Variants in TPCN1 observed in about 807,000 individuals in gnomAD.
The protein encoded by TPCN1 is two pore channel protein 1.
In TPCN1, 52 loss-of-function variants were observed where a neutral mutation model predicts 108.8. The observed-to-expected ratio is 0.48, with a 90% CI of 0.38 to 0.60. The LOEUF is 0.60. Among genes scored for constraint, TPCN1 ranks in the 20% least tolerant of loss-of-function variants. The probability of loss-of-function intolerance (pLI) is 0.00; values close to 1 mark genes in which losing one functional copy is unlikely to be tolerated. For missense variants in TPCN1, 806 were observed against 1,072.8 expected, an observed-to-expected ratio of 0.75 and a Z score of 3.47; for synonymous variants, 446 against 433.7, an observed-to-expected ratio of 1.03 and a Z score of -0.35.
intron 2 of TPCN1, among the ~76,000 whole-genome samples, chr12:113,238,399 T>C (rs1953975668): frequency 6.6e-6 from 1 of 152,238 alleles, no homozygotes; most frequent in Non-Finnish European, 1.5e-5. Context: ...CTTGCAGATA[T>C]GTCCTGTGAG....
At position 113,297,692 on chromosome 12, in the gene TPCN1, C is replaced by T. The variant is rs986462584; in HGVS notation, c.*1616C>T. On this transcript the variant is annotated 3_prime_UTR_variant, in exon 28 of 28. Transcript: ENST00000335509. The surrounding 1 kb of genome is among the most constrained non-coding windows in gnomAD (Gnocchi z 4.4). ...GGGAAAGCAACACATTATTGAGACT[C>T]ACTGTGATTCCCCCGGGAGTCAGAC... 11 of 152,494 alleles carry T rather than the reference C, an allele frequency of 7.2e-5. No individual in the cohort carries two copies. The highest frequency in any genetic ancestry group is 2.7e-4 in the African/African-American group (11 of 41,458). The allele number at this position is 152,494 out of a possible 1,614,324, so 9.4% of individuals were successfully genotyped here.
At chr12:113,275,483 A>T (rs1955640885) in intron 10 of TPCN1, among the ~76,000 whole-genome samples, 1 of 152,028 alleles carries the variant, frequency 6.6e-6, no homozygotes, top group East Asian at 1.9e-4. Context: ...ACCTCAGGTG[A>T]TCCGTCCGAC....
chr12:113,251,178 A>G (rs1252823007), intron 2 of TPCN1, among the ~76,000 whole-genome samples: 2 of 151,968 alleles, frequency 1.3e-5, no homozygotes, highest in African/African-American at 4.8e-5. Flanking sequence ...GCACATGCCT[A>G]TAGTCCCAGC....
intron 22 of TPCN1, among the ~76,000 whole-genome samples, chr12:113,290,586 C>G (rs1028489273): frequency 6.6e-6 from 1 of 152,230 alleles, no homozygotes; most frequent in Non-Finnish European, 1.5e-5. Context: ...TGCCCCCTGG[C>G]TCAGACTGCA....
intron 2 of TPCN1, among the ~76,000 whole-genome samples, chr12:113,242,159 GA>G (rs1374760358): frequency 8.5e-5 from 13 of 152,238 alleles, no homozygotes; most frequent in Admixed American, 3.3e-4. Flanking sequence ...TCTGCCTCAC[GA>G]ATGTGAGCTG....
intron 2 of TPCN1, among the ~76,000 whole-genome samples, chr12:113,243,361 C>CT (rs1391064374): frequency 1.4e-5 from 2 of 147,984 alleles, no homozygotes; most frequent in African/African-American, 5.0e-5. Flanking sequence ...CAGAGTGGGA[C>CT]CCTGTCTCAA....
In TPCN1 at chr12:113,296,285, G is replaced by A; in HGVS notation, c.*209G>A. On this transcript the variant is annotated 3_prime_UTR_variant, in exon 28 of 28. Transcript: ENST00000335509. Reference sequence around the variant, plus strand: ...GAAGCCAGTTTGGTGAGGGGTGGGGGTGCGGCCACCAGGTCTGAGCTCTTC... The same window carrying A: ...GAAGCCAGTTTGGTGAGGGGTGGGGATGCGGCCACCAGGTCTGAGCTCTTC... The A allele has an allele frequency of 1.4e-6, 1 of 708,964 alleles. No homozygotes were observed. Among genetic ancestry groups the A allele is most frequent in the Non-Finnish European group, 2.2e-6 (1 of 451,758 alleles). The allele number at this position is 708,964 out of a possible 1,614,324, so 43.9% of individuals were successfully genotyped here. A position where few individuals can be genotyped will look rare whatever the true frequency, so the allele number is the denominator to read the frequency against.
rs1339222786 is a variant in TPCN1 at position 113,297,088 on chromosome 12, C to CA, written c.*1013dup. 1 of 152,454 alleles carries CA rather than the reference C, an allele frequency of 6.6e-6. No homozygotes were observed. The highest frequency in any genetic ancestry group is 1.5e-5 in the Non-Finnish European group (1 of 68,110). The allele number at this position is 152,454 out of a possible 1,614,324, so 9.4% of individuals were successfully genotyped here. A position where few individuals can be genotyped will look rare whatever the true frequency, so the allele number is the denominator to read the frequency against. ...CAGCCACCCTCCCTGGCTCTGCTCA[C>CA]ACCAGAGATTTCCATAGCAGGAGCG... is the stretch of plus-strand genomic sequence containing the variant. On this transcript the variant is annotated 3_prime_UTR_variant, in exon 28 of 28. Coordinates refer to ENST00000335509, the MANE Select transcript of TPCN1 (RefSeq NM_017901.6). This position sits in a 1 kb window ranked among gnomAD's most constrained non-coding sequence, Gnocchi z 4.4.
chr12:113,285,860 T>C, intron 17 of TPCN1, 29 bp from the exon 18 acceptor site: 2 of 1,599,390 alleles, frequency 1.3e-6, no homozygotes, highest in East Asian at 2.2e-5. Context: ...GTGGCGGGGC[T>C]GCTGCCGATG....
chr12:113,253,067 C>G (rs1566159069), intron 2 of TPCN1, among the ~76,000 whole-genome samples: 1 of 152,140 alleles, frequency 6.6e-6, no homozygotes, highest in Non-Finnish European at 1.5e-5. Flanking sequence ...CGATTGGGAG[C>G]TAGGCAGCCT....
At chr12:113,221,906 C>T (rs567294844) in intron 1 of TPCN1, among the ~76,000 whole-genome samples, 8 of 152,336 alleles carry the variant, frequency 5.3e-5, no homozygotes, top group African/African-American at 1.9e-4. Flanking sequence ...GCTGTCCTGC[C>T]TCCTTCTTCC....
At chr12:113,294,429 C>T (rs545025400) in intron 27 of TPCN1, among the ~76,000 whole-genome samples, 1 of 152,152 alleles carries the variant, frequency 6.6e-6, no homozygotes, top group African/African-American at 2.4e-5. Context: ...GAGCTCGAGA[C>T]CAGCCTGGCC....
chr12:113,229,654 A>G (rs761966839), intron 2 of TPCN1, among the ~76,000 whole-genome samples: 1 of 151,950 alleles, frequency 6.6e-6, no homozygotes, highest in Non-Finnish European at 1.5e-5. Context: ...ACACCCAGCT[A>G]ATTTTTTTGT....
intron 15 of TPCN1, among the ~76,000 whole-genome samples, chr12:113,280,935 T>A (rs1009810115): frequency 6.6e-6 from 1 of 152,210 alleles, no homozygotes; most frequent in Non-Finnish European, 1.5e-5. Flanking sequence ...TTGTTTTTTT[T>A]AAAGATAAAC....
chr12:113,255,269 T>A (rs1473267327), intron 2 of TPCN1, among the ~76,000 whole-genome samples: 1 of 152,138 alleles, frequency 6.6e-6, no homozygotes, highest in Non-Finnish European at 1.5e-5. Context: ...AATTGGAAAT[T>A]GAGATTAAAA....
chr12:113,231,317 G>A lies in TPCN1; in HGVS notation c.112+4353G>A, dbSNP rs997910738. Among the ~76,000 whole-genome samples, 3 of 152,178 alleles carry A rather than the reference G, an allele frequency of 2.0e-5. No individual in the cohort carries two copies. Among genetic ancestry groups the A allele is most frequent in the Admixed American group, 6.5e-5 (1 of 15,290 alleles). On this transcript the variant is annotated intron_variant, in intron 2 of 27. Transcript: ENST00000335509. The surrounding 1 kb of genome is among the most constrained non-coding windows in gnomAD (Gnocchi z 4.3). ...GGTGTCAGCAGGTTTGGTTTCTTGC[G>A]AAGCCTCTTTCCTTGGCTCGCAAAT...
At chr12:113,260,083 G>A (rs897403964) in intron 2 of TPCN1, among the ~76,000 whole-genome samples, 1 of 152,126 alleles carries the variant, frequency 6.6e-6, no homozygotes, top group Non-Finnish European at 1.5e-5. Flanking sequence ...AAGATAAGTC[G>A]ATGTATTTAT....
At chr12:113,295,901 G>C in intron 27 of TPCN1, 59 bp from the exon 28 acceptor site, 3 of 1,502,766 alleles carry the variant, frequency 2.0e-6, no homozygotes. Flanking sequence ...GACCTTGTGG[G>C]GTGGGCGGGG....
chr12:113,256,232 C>T (rs984130262), intron 2 of TPCN1, among the ~76,000 whole-genome samples: 6 of 151,460 alleles, frequency 4.0e-5, no homozygotes, highest in Non-Finnish European at 7.4e-5. Context: ...GGATTAGGGA[C>T]AAAGAAATTG....
Sources: gnomAD v4.1 joint callset for allele counts (sites outside exome capture counted in the v4.1 genomes callset) on GRCh38, gnomAD v4.1.1 for gene constraint, Gnocchi (gnomAD v3.1) non-coding constraint, MANE v1.5 for transcripts, NCBI Gene and HGNC (gene_info 2026-07-23, HGNC 2026-07-21) for gene names.